LPIN2: variants seen among roughly 807,000 people sequenced by gnomAD.
LPIN2 encodes the protein phosphatidate phosphatase LPIN2.
Under a neutral mutation model 111.4 loss-of-function variants are expected in LPIN2, and 55 were observed. The observed-to-expected ratio is 0.49, with a 90% CI of 0.40 to 0.62. LPIN2 has a LOEUF of 0.62. LPIN2 is among the 20% of genes least tolerant of loss of function. The pLI, the probability that LPIN2 is intolerant of heterozygous loss-of-function variation, is 0.00. For synonymous variants in LPIN2, 425 were observed against 414.0 expected (o/e 1.03, Z -0.32); for missense variants, 992 against 1,112.1 (o/e 0.89, Z 1.54).
intron 1 of LPIN2, among the ~76,000 whole-genome samples, chr18:2,992,201 T>C (rs547257694): frequency 1.3e-5 from 2 of 152,176 alleles, no homozygotes; most frequent in African/African-American, 4.8e-5. Context: ...AGAAACAAAA[T>C]GTGTTATATT....
Position 2,995,474 on chromosome 18 carries a change from G to C in LPIN2, c.-10+17613C>G, listed in dbSNP as rs147369835. Among the ~76,000 whole-genome samples the C allele has an allele frequency of 8.5e-5, 13 of 152,256 alleles. No homozygotes were observed. In the East Asian group the frequency reaches 2.5e-3, roughly 29 times the overall value. On this transcript the variant is annotated intron_variant, in intron 1 of 19. Coordinates refer to ENST00000677752, the MANE Select transcript of LPIN2 (RefSeq NM_001375808.2). ...ACTGTTTAGTCACATCTACACTCTA[G>C]TATGAATATTGTCTTTTAAATCAAT...
chr18:2,994,099 TA>T (rs1006103109), intron 1 of LPIN2, among the ~76,000 whole-genome samples: 1 of 152,214 alleles, frequency 6.6e-6, no homozygotes, highest in African/African-American at 2.4e-5. Context: ...AATGAAGCAG[TA>T]CAGACTGTAC....
intron 15 of LPIN2, 28 bp from the exon 16 acceptor site, chr18:2,923,889 C>T (rs2077092916): frequency 1.3e-6 from 2 of 1,587,512 alleles, no homozygotes; most frequent in Non-Finnish European, 1.7e-6. Flanking sequence ...ACAGGAAAAG[C>T]TATCAGGAAT....
chr18:2,953,238 T>C (rs2077563779), intron 3 of LPIN2, among the ~76,000 whole-genome samples: 1 of 152,214 alleles, frequency 6.6e-6, no homozygotes, highest in Admixed American at 6.5e-5. Context: ...ACTGTCAGAA[T>C]AAGCCATGAA....
chr18:2,997,420 C>A (rs2078362924), intron 1 of LPIN2, among the ~76,000 whole-genome samples: 1 of 54,080 alleles, frequency 1.8e-5, no homozygotes, highest in Admixed American at 2.1e-4. Context: ...AGCCACTGCA[C>A]CTGGCAGAGG....
At chr18:2,995,795 C>T (rs940781347) in intron 1 of LPIN2, among the ~76,000 whole-genome samples, 4 of 152,170 alleles carry the variant, frequency 2.6e-5, no homozygotes, top group African/African-American at 9.7e-5. Flanking sequence ...AAAGGATACA[C>T]TGTGAGACTC....
chr18:2,968,190 T>C (rs1468381898), intron 1 of LPIN2, among the ~76,000 whole-genome samples: 1 of 152,192 alleles, frequency 6.6e-6, no homozygotes, highest in African/African-American at 2.4e-5. Flanking sequence ...GAAAACCCAG[T>C]GCCTCCCAGC....
chr18:2,946,353 C>G (rs758692587), intron 4 of LPIN2: 5 of 1,500,590 alleles, frequency 3.3e-6, no homozygotes, highest in Non-Finnish European at 4.6e-6. Context: ...TTATGTCTAC[C>G]TTTTGTACAG....
intron 2 of LPIN2, among the ~76,000 whole-genome samples, chr18:2,956,421 C>T (rs1598566401): frequency 6.6e-6 from 1 of 151,870 alleles, no homozygotes; most frequent in African/African-American, 2.4e-5. Flanking sequence ...TCAGGAGTTA[C>T]GAGCACGCCT....
chr18:2,922,064 C>A lies in LPIN2; in HGVS notation c.2310G>T (p.Leu770Phe). ...RGPLMLSPSS[L>F]FSAFHREVIE... ...AGAGGTACCTGTGGAAGGCGGAGAA[C>A]AAGCTGCTGGGGGACAGCATCAGGG... The change falls in exon 17 of 20, where the codon TTG becomes TTT. Residue 770 changes from leucine (L) to phenylalanine (F), a missense_variant. Leu to Phe is a conservative substitution (Grantham distance 22). This residue lies in a region of LPIN2 where 185 missense variants were observed against 186.5 expected (regional missense o/e 0.99). Transcript: ENST00000677752. 1 of 1,613,344 alleles carries A rather than the reference C, an allele frequency of 6.2e-7. No individual in the cohort carries two copies.
At position 2,917,102 on chromosome 18, in the gene LPIN2, A is replaced by AGAG. The variant is rs1491464296; in HGVS notation, c.*3188_*3190dup. On this transcript the variant is annotated 3_prime_UTR_variant, in exon 20 of 20. Coordinates refer to ENST00000677752, the MANE Select transcript of LPIN2 (RefSeq NM_001375808.2). ...TGCAACAATTGCTTTACTGTAACTA[A>AGAG]GAGTACTGTACTGATGATGTTTACA... The AGAG allele has an allele frequency of 5.3e-5, 8 of 152,238 alleles. No individual in the cohort carries two copies. In the East Asian group the frequency reaches 1.5e-3, roughly 29 times the overall value. 9.4% of individuals were successfully genotyped at this position (152,238 alleles called of 1,614,324 possible).
intron 1 of LPIN2, among the ~76,000 whole-genome samples, chr18:2,962,883 G>C (rs1014252994): frequency 2.0e-5 from 3 of 151,952 alleles, no homozygotes; most frequent in Admixed American, 2.0e-4. Context: ...TTTAAGCATT[G>C]ACATTCAGCC....
intron 1 of LPIN2, among the ~76,000 whole-genome samples, chr18:2,961,587 T>G (rs1442222188): frequency 1.1e-4 from 16 of 151,974 alleles, no homozygotes; most frequent in Non-Finnish European, 2.4e-4. Flanking sequence ...CTGCAAGGAG[T>G]TCTCCAGAAA....
chr18:2,989,839 G>T lies in LPIN2; in HGVS notation c.-10+23248C>A, dbSNP rs190303787. On this transcript the variant is annotated intron_variant, in intron 1 of 19. Transcript: ENST00000677752. ...GGAGGCTGAGGCAGGAGAATCACTT[G>T]AACCCAGGAGGTGGAAGCTGCAGTG... Among the ~76,000 whole-genome samples, 1,114 of 151,446 alleles carry T rather than the reference G, an allele frequency of 7.4e-3. 16 individuals are homozygous for T. The highest frequency in any genetic ancestry group is 0.026 in the African/African-American group (1,062 of 41,176).
chr18:3,009,692 C>A (rs1175310462), intron 1 of LPIN2, among the ~76,000 whole-genome samples: 2 of 152,206 alleles, frequency 1.3e-5, no homozygotes, highest in East Asian at 1.9e-4. Context: ...CCGCCCGCCT[C>A]GGCCTCCCAA....
At chr18:2,984,778 GT>G (rs1164958668) in intron 1 of LPIN2, among the ~76,000 whole-genome samples, 2 of 152,126 alleles carry the variant, frequency 1.3e-5, no homozygotes, top group Non-Finnish European at 2.9e-5. Flanking sequence ...CACTCAACTG[GT>G]CAGCAAAGGT....
At chr18:2,944,336 T>A (rs1282008367) in intron 4 of LPIN2, among the ~76,000 whole-genome samples, 121 of 23,556 alleles carry the variant, frequency 5.1e-3, no homozygotes, top group African/African-American at 9.3e-3. Context: ...CCACAAACTT[T>A]TTTTTTTTTT....
rs11370947 is a variant in LPIN2, at chr18:2,999,609, G to GAA, written c.-10+13476_-10+13477dup. Among the ~76,000 whole-genome samples, 317 of 143,200 alleles carry GAA rather than the reference G, an allele frequency of 2.2e-3. 2 individuals are homozygous for GAA. Among genetic ancestry groups the GAA allele is most frequent in the East Asian group, 2.9e-3 (14 of 4,900 alleles). The allele number at this position is 143,200 out of a possible 152,430, so 93.9% of individuals were successfully genotyped here. ...ACAGAGAGAAACTCCGTCTCAAAAA[G>GAA]AAAAAAAAAAAAGAGGAAATCTGGA... is the stretch of plus-strand genomic sequence containing the variant. On this transcript the variant is annotated intron_variant, in intron 1 of 19. Coordinates refer to ENST00000677752, the MANE Select transcript of LPIN2 (RefSeq NM_001375808.2).
chr18:2,941,399 G>A (rs1359595747), intron 4 of LPIN2, among the ~76,000 whole-genome samples: 1 of 152,178 alleles, frequency 6.6e-6, no homozygotes, highest in Non-Finnish European at 1.5e-5. Context: ...CCTTGGGTAG[G>A]GGGTTACACT....
Sources: gnomAD v4.1 joint callset for allele counts (sites outside exome capture counted in the v4.1 genomes callset) on GRCh38, gnomAD v4.1.1 for gene constraint, gnomAD v4.1.1 regional missense constraint, MANE v1.5 for transcripts, NCBI Gene and HGNC (gene_info 2026-07-23, HGNC 2026-07-21) for gene names.